The following CCDC27 variants were observed in gnomAD, a reference collection of about 807,000 sequenced individuals.
CCDC27 encodes the protein coiled-coil domain containing 27.
CCDC27 carries 80 observed loss-of-function variants against 80.3 expected under a neutral mutation model. The ratio of observed to expected loss-of-function variants is 1.00; its 90% CI spans 0.83 to 1.20. The LOEUF is 1.20. Among genes scored for constraint, CCDC27 ranks in the 50% most tolerant of loss-of-function variants. CCDC27 has a pLI of 0.00. For missense variants in CCDC27, 815 were observed against 809.4 expected (o/e 1.01, Z -0.08); for synonymous variants, 342 against 334.3 (o/e 1.02, Z -0.25).
intron 6 of CCDC27, 147 bp downstream of exon 6, chr1:3,762,859 G>A: frequency 5.9e-6 from 5 of 845,872 alleles, no homozygotes; most frequent in Non-Finnish European, 8.9e-6. Context: ...GGTGAGGTGG[G>A]TGGGTCGTTA....
rs546566112 is a variant in CCDC27, at chr1:3,754,871, G to A, written c.443-586G>A. Among the ~76,000 whole-genome samples, 6 of 152,232 alleles carry A rather than the reference G, an allele frequency of 3.9e-5. No individual in the cohort carries two copies. In the South Asian group the frequency reaches 8.3e-4, roughly 21 times the overall value. On this transcript the variant is annotated intron_variant, in intron 2 of 11. Coordinates refer to ENST00000294600, the MANE Select transcript of CCDC27 (RefSeq NM_152492.3). ...GTGGGGGGGTTGGGGAGGGGGTCCC[G>A]TGCTGTCCACCAATCTCAGCCAGCA...
At position 3,752,722 on chromosome 1, in the gene CCDC27, C is replaced by G. The variant is rs760567788; in HGVS notation, c.241C>G (p.Pro81Ala). The G allele has an allele frequency of 6.2e-7, 1 of 1,613,878 alleles. No homozygotes were observed. The highest frequency in any genetic ancestry group is 2.2e-5 in the East Asian group (1 of 44,884). ...QSMASRDARC[P>A]EWKPHQKPRT... ...CATGGCCAGCCGGGACGCCCGGTGC[C>G]CAGAATGGAAACCGCACCAAAAGCC... The change falls in exon 1 of 12, where the codon CCA becomes GCA. Residue 81 changes from proline (P) to alanine (A), a missense_variant. Transcript: ENST00000294600.
rs1461869922 is a variant in CCDC27 at position 3,768,545 on chromosome 1, G to A, written c.1743+1100G>A. Among the ~76,000 whole-genome samples the A allele has an allele frequency of 6.6e-6, 1 of 152,132 alleles. No homozygotes were observed. Among genetic ancestry groups the A allele is most frequent in the Non-Finnish European group, 1.5e-5 (1 of 68,026 alleles). ...CACCTCCTTCCGGCTGGGTCAGACT[G>A]AGGCACCCACCCCTGGTATCCCTTG... On this transcript the variant is annotated intron_variant, in intron 10 of 11. Transcript: ENST00000294600. This position sits in a 1 kb window ranked among gnomAD's most constrained non-coding sequence, Gnocchi z 5.6.
In CCDC27 at chr1:3,769,545, A is replaced by G. The variant is rs540739926; in HGVS notation, c.1744-238A>G. 6.6e-6 allele frequency among the ~76,000 whole-genome samples: 1 copy of G among 151,958 alleles called. No individual in the cohort carries two copies. Among genetic ancestry groups the G allele is most frequent in the East Asian group, 1.9e-4 (1 of 5,150 alleles). On this transcript the variant is annotated intron_variant, in intron 10 of 11. Transcript: ENST00000294600. The surrounding 1 kb of genome is among the most constrained non-coding windows in gnomAD (Gnocchi z 4.6). ...TAGAAAAGCCCACCTGGTGTAGGAG[A>G]GTCTTTGGGCTTTGGGGCTGGGCCG...
intron 1 of CCDC27, among the ~76,000 whole-genome samples, chr1:3,753,869 C>T (rs1283498175): frequency 1.3e-5 from 2 of 152,042 alleles, no homozygotes; most frequent in Non-Finnish European, 2.9e-5. Flanking sequence ...GTCTAGGCTT[C>T]AGGATGCCTA....
Position 3,763,995 on chromosome 1 carries a change from G to A in CCDC27, c.1452+159G>A, listed in dbSNP as rs531940061. Among the ~76,000 whole-genome samples the A allele has an allele frequency of 2.0e-5, 3 of 152,292 alleles. No homozygotes were observed. The highest frequency in any genetic ancestry group is 2.1e-4 in the South Asian group (1 of 4,828). On this transcript the variant is annotated intron_variant, in intron 8 of 11. Coordinates refer to ENST00000294600, the MANE Select transcript of CCDC27 (RefSeq NM_152492.3). This position sits in a 1 kb window ranked among gnomAD's most constrained non-coding sequence, Gnocchi z 7.5. ...CTGGCCCAGGGTTGTGCGGCTGATA[G>A]CGGCCCCGCTAGGATTCCCCAAGGT...
Position 3,763,107 on chromosome 1 carries a change from G to A in CCDC27, c.955-1G>A. On this transcript the variant is annotated splice_acceptor_variant, in intron 6 of 11. Transcript: ENST00000294600. LOFTEE classifies it high-confidence loss of function. The surrounding 1 kb of genome is among the most constrained non-coding windows in gnomAD (Gnocchi z 7.5). ...CAGCCCCTGCCCTACCCATCTTACA[G>A]ATGCAGGAGGAGTCTGCGGCACCGG... 6.8e-7 allele frequency: 1 copy of A among 1,470,648 alleles called. No homozygotes were observed. Among genetic ancestry groups the A allele is most frequent in the South Asian group, 1.4e-5 (1 of 69,094 alleles). The allele number at this position is 1,470,648 out of a possible 1,614,324, so 91.1% of individuals were successfully genotyped here. A position where few individuals can be genotyped will look rare whatever the true frequency, so the allele number is the denominator to read the frequency against.
rs1643308299 is a variant in CCDC27, at chr1:3,769,471, G to C, written c.1744-312G>C. Among the ~76,000 whole-genome samples the C allele has an allele frequency of 6.6e-6, 1 of 152,128 alleles. No individual in the cohort carries two copies. The highest frequency in any genetic ancestry group is 1.9e-4 in the East Asian group (1 of 5,188). ...TGCGGCTTCTGTACTATTTTGGTTTGTTGGTTTAAAAATATATATATATGT... is the reference window on the plus strand; with the variant it reads ...TGCGGCTTCTGTACTATTTTGGTTTCTTGGTTTAAAAATATATATATATGT... On this transcript the variant is annotated intron_variant, in intron 10 of 11. Coordinates refer to ENST00000294600, the MANE Select transcript of CCDC27 (RefSeq NM_152492.3). This position sits in a 1 kb window ranked among gnomAD's most constrained non-coding sequence, Gnocchi z 4.6.
chr1:3,762,713 G>C lies in CCDC27; in HGVS notation c.954+1G>C, dbSNP rs1193517161. The C allele has an allele frequency of 6.5e-7, 1 of 1,548,798 alleles. No homozygotes were observed. Among genetic ancestry groups the C allele is most frequent in the Non-Finnish European group, 8.7e-7 (1 of 1,146,498 alleles). ...GGAGGAGCTGCAGCACTGGTGGCAG[G>C]TGCGGGCCGCCTGGAGAGCAGGCAC... On this transcript the variant is annotated splice_donor_variant, in intron 6 of 11. Coordinates refer to ENST00000294600, the MANE Select transcript of CCDC27 (RefSeq NM_152492.3). LOFTEE classifies it high-confidence loss of function.
Position 3,769,890 on chromosome 1 carries a change from A to G in CCDC27, c.1848+3A>G. 1 of 1,610,534 alleles carries G rather than the reference A, an allele frequency of 6.2e-7. No individual in the cohort carries two copies. Among genetic ancestry groups the G allele is most frequent in the Non-Finnish European group, 8.5e-7 (1 of 1,176,862 alleles). ...ATGACATCCTGGAAGCCCTGCAGGTATACCCCTAAGCTCAGCTGCCTCTAT... is the reference window on the plus strand; with the variant it reads ...ATGACATCCTGGAAGCCCTGCAGGTGTACCCCTAAGCTCAGCTGCCTCTAT... On this transcript the variant is annotated splice_donor_region_variant and intron_variant, in intron 11 of 11. Transcript: ENST00000294600. This position sits in a 1 kb window ranked among gnomAD's most constrained non-coding sequence, Gnocchi z 4.6.
Position 3,754,386 on chromosome 1 carries a change from CTG to C in CCDC27, c.442+148_442+149del, listed in dbSNP as rs1043798592. 4 of 1,119,646 alleles carry C rather than the reference CTG, an allele frequency of 3.6e-6. No individual in the cohort carries two copies. The African/African-American group carries it at 6.5e-5, about 18-fold the overall frequency. The allele number at this position is 1,119,646 out of a possible 1,614,324, so 69.4% of individuals were successfully genotyped here. The stretch of plus-strand genomic sequence containing the variant: ...CCAGCTGCTGCTTTTGAAATCCGCT[CTG>C]TGCTCAGGGAGCCAGGGCAGCAATG... On this transcript the variant is annotated intron_variant, in intron 2 of 11. Transcript: ENST00000294600.
At chr1:3,754,268 G>A (rs1642900103) in intron 2 of CCDC27, 27 bp downstream of exon 2, 2 of 1,553,272 alleles carry the variant, frequency 1.3e-6, no homozygotes, top group Middle Eastern at 1.7e-4. Context: ...AGGACCGCCT[G>A]TGAAACTGCC....
chr1:3,762,467 ACAGCACCCACATCCCC>A (rs1643111276), intron 5 of CCDC27, among the ~76,000 whole-genome samples, 137 bp from the exon 6 acceptor site: 1 of 152,126 alleles, frequency 6.6e-6, no homozygotes, highest in Non-Finnish European at 1.5e-5. Flanking sequence ...CTCCACTGCC[ACAGCACCCACATCCCC>A]CAGCCCCTTG....
rs1557634375 is a variant in CCDC27 at position 3,771,397 on chromosome 1, G to A, written c.1849-4G>A. ...CCACCTCGACGGCTGTGTTTCTTGTGTAGAGAATTATCTCAGAGAGAAGCG... is the reference window on the plus strand; with the variant it reads ...CCACCTCGACGGCTGTGTTTCTTGTATAGAGAATTATCTCAGAGAGAAGCG... On this transcript the variant is annotated splice_polypyrimidine_tract_variant and splice_region_variant and intron_variant, in intron 11 of 11. Coordinates refer to ENST00000294600, the MANE Select transcript of CCDC27 (RefSeq NM_152492.3). 6.2e-7 allele frequency: 1 copy of A among 1,613,940 alleles called. No individual in the cohort carries two copies. Among genetic ancestry groups the A allele is most frequent in the Non-Finnish European group, 8.5e-7 (1 of 1,179,898 alleles).
chr1:3,757,085 T>A, intron 4 of CCDC27, 195 bp downstream of exon 4: 1 of 568,782 alleles, frequency 1.8e-6, no homozygotes. Flanking sequence ...CTCACCCCAG[T>A]GGGTGGCAGT....
chr1:3,757,746 C>T (rs1642991792), intron 4 of CCDC27, among the ~76,000 whole-genome samples: 1 of 151,972 alleles, frequency 6.6e-6, no homozygotes, highest in Non-Finnish European at 1.5e-5. Flanking sequence ...ACACGCGAAA[C>T]CCCGTCTCTA....
chr1:3,752,958 T>G (rs1642860423), intron 1 of CCDC27, among the ~76,000 whole-genome samples, 159 bp downstream of exon 1: 1 of 152,202 alleles, frequency 6.6e-6, no homozygotes, highest in African/African-American at 2.4e-5. Context: ...AATTGAGCGC[T>G]AGGGGTGGAA....
Position 3,761,458 on chromosome 1 carries a change from C to A in CCDC27, c.861+28C>A. ...GAGCCAGCCCCAGCGGGGCACAGCGCAGAGCTCTAAGACGGTTGTTTTCAA... is the reference window on the plus strand; with the variant it reads ...GAGCCAGCCCCAGCGGGGCACAGCGAAGAGCTCTAAGACGGTTGTTTTCAA... On this transcript the variant is annotated intron_variant, in intron 5 of 11. Transcript: ENST00000294600. This position sits in a 1 kb window ranked among gnomAD's most constrained non-coding sequence, Gnocchi z 5.0. 2 of 1,610,538 alleles carry A rather than the reference C, an allele frequency of 1.2e-6. No homozygotes were observed. Among genetic ancestry groups the A allele is most frequent in the East Asian group, 2.2e-5 (1 of 44,872 alleles).
intron 4 of CCDC27, among the ~76,000 whole-genome samples, chr1:3,758,234 G>A (rs560410875): frequency 6.6e-6 from 1 of 152,246 alleles, no homozygotes; most frequent in Non-Finnish European, 1.5e-5. Context: ...TCTGTTGCCA[G>A]GCTGGAGTGC....
Sources: gnomAD v4.1 joint callset for allele counts (sites outside exome capture counted in the v4.1 genomes callset) on GRCh38, gnomAD v4.1.1 for gene constraint, Gnocchi (gnomAD v3.1) non-coding constraint, MANE v1.5 for transcripts, NCBI Gene and HGNC (gene_info 2026-07-23, HGNC 2026-07-21) for gene names.